The following POU2F1 variants were observed in gnomAD, a reference collection of about 807,000 sequenced individuals.
POU2F1 encodes POU class 2 homeobox 1, also known as POU domain, class 2, transcription factor 1.
Under a neutral mutation model 84.9 loss-of-function variants are expected in POU2F1, and 16 were observed. The ratio of observed to expected loss-of-function variants is 0.19; its 90% CI spans 0.13 to 0.29. The LOEUF (loss-of-function observed/expected upper bound fraction) is 0.29. Ranked by LOEUF, POU2F1 falls within the 10% of genes least tolerant of loss-of-function variation. POU2F1 has a pLI of 1.00. For synonymous variants in POU2F1, 368 were observed against 368.3 expected (o/e 1.00, Z 0.01); for missense variants, 738 against 942.6 (o/e 0.78, Z 2.84).
Position 167,374,183 on chromosome 1 carries a change from G to C in POU2F1, c.478G>C (p.Val160Leu). The C allele has an allele frequency of 1.2e-6, 2 of 1,613,784 alleles. No homozygotes were observed. The highest frequency in any genetic ancestry group is 1.7e-6 in the Non-Finnish European group (2 of 1,179,828). Residue 160 changes from valine (V) to leucine (L), a missense_variant, in exon 6 of 16, where the codon GTG (valine) becomes CTG (leucine). Physicochemically the swap from Val to Leu is conservative, Grantham distance 32 (BLOSUM62 1). Transcript: ENST00000367866. ...QAQAQLLAAA[V>L]QQHSASQQHS... is the part of the protein sequence containing the mutation. ...ACAGGCACAGCTGCTGGCTGCTGCAGTGCAGCAGCACTCCGCCAGCCAGCA... is the reference window on the plus strand; with the variant it reads ...ACAGGCACAGCTGCTGGCTGCTGCACTGCAGCAGCACTCCGCCAGCCAGCA...
intron 4 of POU2F1, 75 bp from the exon 5 acceptor site, chr1:167,371,842 A>G: frequency 6.3e-7 from 1 of 1,576,856 alleles, no homozygotes; most frequent in Non-Finnish European, 8.7e-7. Context: ...AATGATTCCT[A>G]AAAGATGGGG....
chr1:167,371,875 CA>C, intron 4 of POU2F1, 41 bp from the exon 5 acceptor site: 1 of 1,611,532 alleles, frequency 6.2e-7, no homozygotes, highest in African/African-American at 1.3e-5. Flanking sequence ...TTCTTTTAAT[CA>C]ACCATTTGCA....
intron 13 of POU2F1, among the ~76,000 whole-genome samples, chr1:167,405,110 G>A (rs1649478596): frequency 2.6e-5 from 4 of 152,068 alleles, no homozygotes; most frequent in Admixed American, 2.6e-4. Context: ...CCAGAAAGAC[G>A]AGTGTTCCAT....
intron 1 of POU2F1, among the ~76,000 whole-genome samples, chr1:167,234,541 G>A (rs1335204385): frequency 6.6e-6 from 1 of 152,126 alleles, no homozygotes; most frequent in African/African-American, 2.4e-5. Flanking sequence ...AAACTGGCCT[G>A]GGCAACATAG....
chr1:167,237,772 A>ATATT (rs1649605925), intron 1 of POU2F1, among the ~76,000 whole-genome samples: 2 of 29,956 alleles, frequency 6.7e-5, no homozygotes, highest in African/African-American at 3.0e-4. Context: ...ATATATATAT[A>ATATT]TTTTTTTTTT....
chr1:167,263,499 A>T (rs909626605), intron 1 of POU2F1, among the ~76,000 whole-genome samples: 5 of 151,974 alleles, frequency 3.3e-5, no homozygotes, highest in African/African-American at 1.2e-4. Context: ...CCTGGGCAAC[A>T]AGAGCGAAAC....
Position 167,294,723 on chromosome 1 carries a change from C to T in POU2F1, c.62-37747C>T, listed in dbSNP as rs190593125. Among the ~76,000 whole-genome samples the T allele has an allele frequency of 3.1e-3, 473 of 152,226 alleles. 15 individuals are homozygous for T. The highest frequency in any genetic ancestry group is 3.5e-4 in the Non-Finnish European group (24 of 68,006). Reference sequence around the variant, plus strand: ...GCAAATTAAAACCACAATGAGATACCACTTTATTACTGCAAGAATGGCCAG... The same window carrying T: ...GCAAATTAAAACCACAATGAGATACTACTTTATTACTGCAAGAATGGCCAG... On this transcript the variant is annotated intron_variant, in intron 1 of 15. Transcript: ENST00000367866.
intron 1 of POU2F1, among the ~76,000 whole-genome samples, chr1:167,221,203 C>T (rs903630880): frequency 5.3e-5 from 8 of 151,504 alleles, no homozygotes; most frequent in African/African-American, 1.5e-4. Context: ...CCTCCTCCTG[C>T]ACCCGGCCCA....
chr1:167,415,465 C>T lies in POU2F1; in HGVS notation c.1991-35C>T, dbSNP rs183376064. 1.8e-4 allele frequency: 287 copies of T among 1,596,602 alleles called. No individual in the cohort carries two copies. In the African/African-American group the frequency reaches 2.7e-3, roughly 15 times the overall value. On this transcript the variant is annotated intron_variant, in intron 15 of 15. Transcript: ENST00000367866. ...TTCTCCAGGATGATGTTAATGTTTTCATTCCTGCCTGTTTTGGGGGGTTTT... is the reference window on the plus strand; with the variant it reads ...TTCTCCAGGATGATGTTAATGTTTTTATTCCTGCCTGTTTTGGGGGGTTTT...
intron 1 of POU2F1, among the ~76,000 whole-genome samples, chr1:167,278,940 C>T (rs1029917528): frequency 6.6e-6 from 1 of 152,052 alleles, no homozygotes; most frequent in Non-Finnish European, 1.5e-5. Flanking sequence ...ATAAAATGAT[C>T]ATCTGAAAGA....
intron 1 of POU2F1, among the ~76,000 whole-genome samples, chr1:167,278,199 T>A (rs922316565): frequency 2.6e-5 from 4 of 152,244 alleles, no homozygotes; most frequent in Non-Finnish European, 5.9e-5. Flanking sequence ...TCTGACCTTT[T>A]ACTTCTCTGC....
At chr1:167,245,243 CTTT>C (rs553872078) in intron 1 of POU2F1, among the ~76,000 whole-genome samples, 1 of 140,818 alleles carries the variant, frequency 7.1e-6, no homozygotes, top group Admixed American at 7.2e-5. Context: ...ACTCAAATTT[CTTT>C]TTTTTTTTTT....
At chr1:167,276,452 A>G (rs887652543) in intron 1 of POU2F1, among the ~76,000 whole-genome samples, 11 of 151,962 alleles carry the variant, frequency 7.2e-5, no homozygotes, top group African/African-American at 2.4e-4. Flanking sequence ...AATCATAGGT[A>G]TATATATATA....
At chr1:167,237,557 C>T (rs1649557336) in intron 1 of POU2F1, among the ~76,000 whole-genome samples, 1 of 151,804 alleles carries the variant, frequency 6.6e-6, no homozygotes, top group Non-Finnish European at 1.5e-5. Context: ...TATTTTGTGA[C>T]TTACATGGTA....
intron 1 of POU2F1, among the ~76,000 whole-genome samples, chr1:167,311,966 A>G (rs542223585): frequency 2.0e-5 from 3 of 150,000 alleles, no homozygotes; most frequent in Non-Finnish European, 4.4e-5. Context: ...TTTTTTGGAG[A>G]TGGAGTCTTA....
rs1283539249 is a variant in POU2F1, at chr1:167,424,646, T to C, written c.*8836T>C. On this transcript the variant is annotated 3_prime_UTR_variant, in exon 16 of 16. Transcript: ENST00000367866. Reference sequence around the variant, plus strand: ...CTATAGCATCATGGGACCTGTAGCCTAGGGTGGGACCCCCTAAAGCCTCTG... The same window carrying C: ...CTATAGCATCATGGGACCTGTAGCCCAGGGTGGGACCCCCTAAAGCCTCTG... 1 of 152,256 alleles carries C rather than the reference T, an allele frequency of 6.6e-6. No homozygotes were observed. Among genetic ancestry groups the C allele is most frequent in the Non-Finnish European group, 1.5e-5 (1 of 68,052 alleles). The allele number at this position is 152,256 out of a possible 1,614,324, so 9.4% of individuals were successfully genotyped here. A position where few individuals can be genotyped will look rare whatever the true frequency, so the allele number is the denominator to read the frequency against.
chr1:167,240,001 C>CA (rs1218330538), intron 1 of POU2F1, among the ~76,000 whole-genome samples: 1 of 149,336 alleles, frequency 6.7e-6, no homozygotes, highest in East Asian at 2.0e-4. Context: ...GCTTTTTTGA[C>CA]ATGACACACA....
chr1:167,255,534 A>C (rs1402602515), intron 1 of POU2F1, among the ~76,000 whole-genome samples: 1 of 152,194 alleles, frequency 6.6e-6, no homozygotes, highest in African/African-American at 2.4e-5. Flanking sequence ...GAATATGAAG[A>C]AAGGAGAATA....
chr1:167,374,955 T>C (rs1660228934), intron 6 of POU2F1, among the ~76,000 whole-genome samples: 1 of 151,656 alleles, frequency 6.6e-6, no homozygotes, highest in Non-Finnish European at 1.5e-5. Context: ...TAATCCCAGC[T>C]ACGCGGGAGG....
Sources: gnomAD v4.1 joint callset for allele counts (sites outside exome capture counted in the v4.1 genomes callset) on GRCh38, gnomAD v4.1.1 for gene constraint, MANE v1.5 for transcripts, NCBI Gene and HGNC (gene_info 2026-07-23, HGNC 2026-07-21) for gene names.